The following HEG1 variants were observed in gnomAD, a reference collection of about 807,000 sequenced individuals.
HEG1 encodes the protein heart development protein with EGF like domains 1.
Under a neutral mutation model 125.6 loss-of-function variants are expected in HEG1, and 56 were observed. The ratio of observed to expected loss-of-function variants is 0.45; its 90% confidence interval spans 0.36 to 0.56. The LOEUF is 0.56. Ranked by LOEUF, HEG1 falls within the 20% of genes least tolerant of loss-of-function variation. HEG1 has a pLI of 0.00. For missense variants in HEG1, 1,523 were observed against 1,670.0 expected (o/e 0.91, Z 1.53); for synonymous variants, 644 against 668.5 (o/e 0.96, Z 0.57).
At chr3:124,972,899 G>C (rs771501978) in intron 16 of HEG1, among the ~76,000 whole-genome samples, 1 of 152,116 alleles carries the variant, frequency 6.6e-6, no homozygotes, top group Non-Finnish European at 1.5e-5. Context: ...GGCCTACTGA[G>C]TATACAATAT....
In HEG1 at chr3:125,029,386, T is replaced by C. The variant is rs1405982813; in HGVS notation, c.419A>G (p.Glu140Gly). The C allele has an allele frequency of 9.9e-6, 16 of 1,612,768 alleles. No individual in the cohort carries two copies. Among genetic ancestry groups the C allele is most frequent in the Non-Finnish European group, 1.4e-5 (16 of 1,179,886 alleles). ...QEDFSTVSSK[E>G]GVMVQTSGKS... The stretch of plus-strand genomic sequence containing the variant: ...CCCAGAGGTCTGAACCATCACGCCC[T>C]CTTTGGAGGACACTGTTGAAAAGTC... Residue 140 changes from glutamate (E) to glycine (G), a missense_variant, in exon 2 of 17, where the codon GAG becomes GGG. Glu to Gly is a moderately conservative substitution (Grantham distance 98, BLOSUM62 -2). Transcript: ENST00000311127.
chr3:124,997,783 T>A lies in HEG1; in HGVS notation c.3558A>T (p.Lys1186Asn). The change falls in exon 12 of 17, where the codon AAA becomes AAT. Residue 1186 changes from lysine to asparagine, a missense_variant. Transcript: ENST00000311127. ...CCAGGTCAGTGCAGATGGAGGTGTC[T>A]TTGTCACATTCGGGACTCTTCCGCT... ...LCKRKSPECD[K>N]DTSICTDLDG... 6.3e-7 allele frequency: 1 copy of A among 1,597,414 alleles called. No homozygotes were observed. Among genetic ancestry groups the A allele is most frequent in the Non-Finnish European group, 8.6e-7 (1 of 1,169,068 alleles).
At chr3:125,042,082 G>T (rs764686664) in intron 1 of HEG1, among the ~76,000 whole-genome samples, 1 of 152,162 alleles carries the variant, frequency 6.6e-6, no homozygotes, top group Non-Finnish European at 1.5e-5. Flanking sequence ...ACTTAAAAAT[G>T]GTTAAAATGG....
At chr3:125,019,989 A>G (rs561819693) in intron 4 of HEG1, among the ~76,000 whole-genome samples, 10 of 152,380 alleles carry the variant, frequency 6.6e-5, no homozygotes, top group African/African-American at 2.4e-4. Flanking sequence ...TCATATGAAT[A>G]AAGGTTATTC....
rs554493890 is a variant in HEG1, at chr3:124,973,056, C to T, written c.3996+675G>A. 1.0e-3 allele frequency among the ~76,000 whole-genome samples: 153 copies of T among 152,012 alleles called. 2 individuals are homozygous for T. The highest frequency in any genetic ancestry group is 3.5e-3 in the African/African-American group (145 of 41,444). On this transcript the variant is annotated intron_variant, in intron 16 of 16. Transcript: ENST00000311127. ...TATTATTTTGAGATAGGATCTCACT[C>T]TGTTGCCCAGGCTGGAGTACAGTGG...
intron 12 of HEG1, among the ~76,000 whole-genome samples, chr3:124,996,188 G>T (rs11713067): frequency 6.6e-6 from 1 of 151,796 alleles, no homozygotes; most frequent in Admixed American, 6.6e-5. Context: ...GGGTTCAAGC[G>T]ATTCTCCTGC....
chr3:125,053,818 C>T (rs1464382480), intron 1 of HEG1, among the ~76,000 whole-genome samples: 1 of 152,188 alleles, frequency 6.6e-6, no homozygotes, highest in East Asian at 1.9e-4. Flanking sequence ...CCAGCTGAGT[C>T]CTCTAAGCTA....
intron 3 of HEG1, among the ~76,000 whole-genome samples, chr3:125,026,113 G>A (rs1387097543): frequency 2.0e-5 from 3 of 152,100 alleles, no homozygotes; most frequent in Non-Finnish European, 4.4e-5. Context: ...TGCTCCCTAT[G>A]GTACGAGGAT....
intron 15 of HEG1, among the ~76,000 whole-genome samples, chr3:124,977,157 G>A (rs186124425): frequency 2.6e-5 from 4 of 152,208 alleles, no homozygotes; most frequent in East Asian, 1.9e-4. Flanking sequence ...TGCCATTCAC[G>A]TAAGACATGT....
intron 15 of HEG1, 66 bp downstream of exon 15, chr3:124,977,793 T>C (rs1936572520): frequency 9.7e-7 from 1 of 1,030,812 alleles, no homozygotes; most frequent in Non-Finnish European, 1.5e-6. Flanking sequence ...TGTAAAAGAA[T>C]ACAAACTGAC....
At chr3:125,000,676 C>G (rs1048809338) in intron 11 of HEG1, among the ~76,000 whole-genome samples, 1 of 151,640 alleles carries the variant, frequency 6.6e-6, no homozygotes, top group Non-Finnish European at 1.5e-5. Context: ...GAAGGGCTAA[C>G]AATCTGGCTC....
chr3:125,027,874 AC>A (rs1173098970), intron 2 of HEG1, among the ~76,000 whole-genome samples: 1 of 152,222 alleles, frequency 6.6e-6, no homozygotes, highest in African/African-American at 2.4e-5. Context: ...TATCTGGGTG[AC>A]CAAGAGGACC....
chr3:125,000,251 G>A (rs888144447), intron 11 of HEG1, among the ~76,000 whole-genome samples: 2 of 152,182 alleles, frequency 1.3e-5, no homozygotes, highest in Non-Finnish European at 1.5e-5. Context: ...ACAAGCAGTC[G>A]GAAGAATGGG....
intron 1 of HEG1, among the ~76,000 whole-genome samples, chr3:125,052,947 C>A (rs1403864201): frequency 6.6e-6 from 1 of 152,218 alleles, no homozygotes. Context: ...ACATCTGTGG[C>A]CCTTGCTGCT....
chr3:125,023,499 C>A lies in HEG1; in HGVS notation c.914-2369G>T, dbSNP rs536108663. Among the ~76,000 whole-genome samples the A allele has an allele frequency of 1.6e-4, 24 of 152,128 alleles. No individual in the cohort carries two copies. The South Asian group carries it at 5.0e-3, about 32-fold the overall frequency. On this transcript the variant is annotated intron_variant, in intron 3 of 16. Coordinates refer to ENST00000311127, the MANE Select transcript of HEG1 (RefSeq NM_020733.2). ...CAATTATGACTTGCAAGGCATTGGG[C>A]GAAGTACATTGTATACAAATCTCAT... is the stretch of plus-strand genomic sequence containing the variant.
rs997880217 is a variant in HEG1 at position 124,993,891 on chromosome 3, T to C, written c.3653-2905A>G. Among the ~76,000 whole-genome samples the C allele has an allele frequency of 5.3e-5, 8 of 152,262 alleles. No individual in the cohort carries two copies. The East Asian group carries it at 1.5e-3, about 29-fold the overall frequency. ...TCCCTGATGTCATGATATTTCTCTA[T>C]TTCAAATGGGCTCATTCCGTTACGC... is the stretch of plus-strand genomic sequence containing the variant. On this transcript the variant is annotated intron_variant, in intron 12 of 16. Coordinates refer to ENST00000311127, the MANE Select transcript of HEG1 (RefSeq NM_020733.2).
In HEG1 at chr3:124,970,695, G is replaced by A. The variant is rs546708760; in HGVS notation, c.4103C>T (p.Pro1368Leu). 10 of 1,607,932 alleles carry A rather than the reference G, an allele frequency of 6.2e-6. No individual in the cohort carries two copies. Among genetic ancestry groups the A allele is most frequent in the South Asian group, 2.2e-5 (2 of 89,358 alleles). The change falls in exon 17 of 17, where the codon CCG (proline) becomes CTG (leucine). Residue 1368 changes from proline to leucine, a missense_variant. Pro to Leu is a moderately conservative substitution (Grantham distance 98). Transcript: ENST00000311127. ...TCTGCTTTCATCACTGATGAAAGAC[G>A]GGTTATACTGTCCGGGGAAAATGCA... is the stretch of plus-strand genomic sequence containing the variant. Reference protein sequence around the residue: ...HSCIFPGQYNPSFISDESRRR... With the variant: ...HSCIFPGQYNLSFISDESRRR...
chr3:125,001,641 A>G (rs1275046532), intron 11 of HEG1, among the ~76,000 whole-genome samples: 1 of 152,198 alleles, frequency 6.6e-6, no homozygotes, highest in Non-Finnish European at 1.5e-5. Flanking sequence ...AGGCTTGTGT[A>G]CAGGACTCTG....
chr3:125,010,592 A>G (rs1351458630), intron 6 of HEG1, 37 bp from the exon 7 acceptor site: 1 of 1,243,478 alleles, frequency 8.0e-7, no homozygotes, highest in South Asian at 1.4e-5. Flanking sequence ...AGTTAACCAC[A>G]CAGGAAATGT....
Sources: gnomAD v4.1 joint callset for allele counts (sites outside exome capture counted in the v4.1 genomes callset) on GRCh38, gnomAD v4.1.1 for gene constraint, MANE v1.5 for transcripts, NCBI Gene and HGNC (gene_info 2026-07-23, HGNC 2026-07-21) for gene names.